TSN: variants seen among roughly 807,000 people sequenced by gnomAD.
TSN encodes the protein translin, also known as component 3 of promoter of RISC.
TSN carries 5 observed loss-of-function variants against 29.4 expected under a neutral mutation model. That is an observed-to-expected ratio of 0.17 (90% CI 0.09 to 0.36). The LOEUF is 0.36. TSN is among the 10% of genes least tolerant of loss of function. The pLI, the probability that TSN is intolerant of heterozygous loss-of-function variation, is 1.00. For missense variants in TSN, 159 were observed against 272.8 expected (o/e 0.58, Z 2.94); for synonymous variants, 106 against 102.2 (o/e 1.04, Z -0.23).
intron 1 of TSN, chr2:121,756,507 C>A: frequency 2.2e-6 from 1 of 460,710 alleles, no homozygotes; most frequent in Non-Finnish European, 3.7e-6. Flanking sequence ...AAAAAATCTT[C>A]TCCCTCATTG....
rs1371649285 is a variant in TSN, at chr2:121,765,548, T to C, written c.*181T>C. The C allele has an allele frequency of 1.1e-5, 7 of 612,168 alleles. No individual in the cohort carries two copies. Among genetic ancestry groups the C allele is most frequent in the Non-Finnish European group, 2.0e-5 (7 of 351,636 alleles). 37.9% of individuals were successfully genotyped at this position (612,168 alleles called of 1,614,324 possible). A position where few individuals can be genotyped will look rare whatever the true frequency, so the allele number is the denominator to read the frequency against. ...TTTTGGGGGTAAAAAATATAGCCTT[T>C]ACATGGACAGAATTTTTTTTGTTGT... On this transcript the variant is annotated 3_prime_UTR_variant, in exon 6 of 6. Coordinates refer to ENST00000389682, the MANE Select transcript of TSN (RefSeq NM_004622.3).
At chr2:121,756,361 A>T in intron 1 of TSN, 2 of 235,902 alleles carry the variant, frequency 8.5e-6, no homozygotes, top group East Asian at 1.5e-4. Flanking sequence ...TTTTCCTGGA[A>T]TTTGCTTCTT....
intron 4 of TSN, among the ~76,000 whole-genome samples, chr2:121,762,584 A>G (rs1167333387): frequency 1.3e-5 from 2 of 152,250 alleles, no homozygotes; most frequent in Admixed American, 1.3e-4. Flanking sequence ...AAAAATTGAA[A>G]GAATAGTACA....
intron 3 of TSN, 76 bp downstream of exon 3, chr2:121,758,882 C>T: frequency 2.1e-6 from 2 of 971,466 alleles, no homozygotes; most frequent in Non-Finnish European, 1.4e-6. Flanking sequence ...CAAATGATTG[C>T]TTACAACTAG....
intron 1 of TSN, chr2:121,756,335 C>T (rs532363246): frequency 1.6e-4 from 40 of 247,074 alleles, no homozygotes; most frequent in African/African-American, 8.9e-4. Context: ...CCCCAAATAG[C>T]TTCCTGCCTG....
chr2:121,764,183 A>C (rs1327545318), intron 5 of TSN, among the ~76,000 whole-genome samples: 1 of 152,150 alleles, frequency 6.6e-6, no homozygotes, highest in Non-Finnish European at 1.5e-5. Flanking sequence ...AAACCTGAGG[A>C]AGATGGTGAG....
chr2:121,765,415 AG>A lies in TSN; in HGVS notation c.*52del. ...TTGCTGACCTCAGCGGTTGCCAGGA[AG>A]GGGTGAGCACAGAGTGCCTCTTACG... On this transcript the variant is annotated 3_prime_UTR_variant, in exon 6 of 6. Coordinates refer to ENST00000389682, the MANE Select transcript of TSN (RefSeq NM_004622.3). The A allele has an allele frequency of 6.3e-7, 1 of 1,577,940 alleles. No individual in the cohort carries two copies. The highest frequency in any genetic ancestry group is 8.7e-7 in the Non-Finnish European group (1 of 1,148,530).
At chr2:121,760,248 A>T (rs1355334568) in intron 3 of TSN, among the ~76,000 whole-genome samples, 1 of 152,226 alleles carries the variant, frequency 6.6e-6, no homozygotes, top group African/African-American at 2.4e-5. Flanking sequence ...TCTAGGTTGC[A>T]TGCTCCTTAT....
Position 121,767,654 on chromosome 2 carries a change from G to C in TSN, c.*2287G>C, listed in dbSNP as rs1434633922. The stretch of plus-strand genomic sequence containing the variant: ...AGAAGAGAACCAGCCATATACACTT[G>C]GGGAGATTTGCCACATCTTAAACTT... On this transcript the variant is annotated 3_prime_UTR_variant, in exon 6 of 6. Transcript: ENST00000389682. 1.3e-5 allele frequency: 2 copies of C among 152,096 alleles called. No homozygotes were observed. The highest frequency in any genetic ancestry group is 1.3e-4 in the Admixed American group (2 of 15,270). The allele number at this position is 152,096 out of a possible 1,614,324, so 9.4% of individuals were successfully genotyped here.
At chr2:121,760,613 C>T (rs954205971) in intron 3 of TSN, among the ~76,000 whole-genome samples, 3 of 152,106 alleles carry the variant, frequency 2.0e-5, no homozygotes, top group Admixed American at 2.0e-4. Flanking sequence ...TTTTTTCAGG[C>T]TTCTAGCTCA....
intron 3 of TSN, among the ~76,000 whole-genome samples, chr2:121,761,095 C>G (rs1409653686): frequency 6.6e-6 from 1 of 152,050 alleles, no homozygotes; most frequent in Non-Finnish European, 1.5e-5. Context: ...GTCTTGAACT[C>G]CTTACCTCAG....
intron 4 of TSN, 133 bp from the exon 5 acceptor site, chr2:121,762,872 A>T: frequency 1.3e-6 from 1 of 772,518 alleles, no homozygotes; most frequent in Non-Finnish European, 2.0e-6. Flanking sequence ...CAAGGTTGTG[A>T]ATATATTAAA....
chr2:121,763,538 T>C (rs990004865), intron 5 of TSN, among the ~76,000 whole-genome samples: 10 of 152,216 alleles, frequency 6.6e-5, no homozygotes, highest in Non-Finnish European at 1.0e-4. Flanking sequence ...TGACTGGCAC[T>C]GTATGTGTTA....
intron 3 of TSN, among the ~76,000 whole-genome samples, chr2:121,759,729 A>C (rs2074796679): frequency 6.6e-6 from 1 of 152,208 alleles, no homozygotes; most frequent in Admixed American, 6.5e-5. Context: ...CTTACTGAAA[A>C]AGATGTTCTT....
At chr2:121,755,899 C>G (rs934318802) in intron 1 of TSN, 54 bp downstream of exon 1, 2 of 1,610,950 alleles carry the variant, frequency 1.2e-6, no homozygotes, top group Non-Finnish European at 1.7e-6. Flanking sequence ...AGTTGGGCCA[C>G]TTCGCCCGGC....
rs780745889 is a variant in TSN at position 121,761,406 on chromosome 2, C to T, written c.258-3C>T. 6.2e-7 allele frequency: 1 copy of T among 1,610,898 alleles called. No individual in the cohort carries two copies. The highest frequency in any genetic ancestry group is 1.1e-5 in the South Asian group (1 of 91,026). On this transcript the variant is annotated splice_region_variant and splice_polypyrimidine_tract_variant and intron_variant, in intron 3 of 5. Coordinates refer to ENST00000389682, the MANE Select transcript of TSN (RefSeq NM_004622.3). Reference sequence around the variant, plus strand: ...GAGGCTAAATGTGCTTATTTTCATGCAGATTTCATGAGCACTGGAGGTTTG... The same window carrying T: ...GAGGCTAAATGTGCTTATTTTCATGTAGATTTCATGAGCACTGGAGGTTTG...
rs1349623430 is a variant in TSN at position 121,761,331 on chromosome 2, G to A, written c.258-78G>A. 1.9e-5 allele frequency: 18 copies of A among 941,398 alleles called. No homozygotes were observed. In the Middle Eastern group the frequency reaches 8.5e-4, roughly 45 times the overall value. The allele number at this position is 941,398 out of a possible 1,614,324, so 58.3% of individuals were successfully genotyped here. A position where few individuals can be genotyped will look rare whatever the true frequency, so the allele number is the denominator to read the frequency against. On this transcript the variant is annotated intron_variant, in intron 3 of 5. Coordinates refer to ENST00000389682, the MANE Select transcript of TSN (RefSeq NM_004622.3). ...TGAAAAATGATCGCATTTCTAAACC[G>A]TTTGAACATGGCTGTATTAAACCCA... is the stretch of plus-strand genomic sequence containing the variant.
chr2:121,757,743 G>A lies in TSN; in HGVS notation c.160+410G>A, dbSNP rs186438446. The A allele has an allele frequency of 7.7e-4, 127 of 164,750 alleles. 1 individual carries two copies. Among genetic ancestry groups the A allele is most frequent in the African/African-American group, 2.5e-3 (105 of 41,416 alleles). 10.2% of individuals were successfully genotyped at this position (164,750 alleles called of 1,614,324 possible). On this transcript the variant is annotated intron_variant, in intron 2 of 5. Coordinates refer to ENST00000389682, the MANE Select transcript of TSN (RefSeq NM_004622.3). ...GCCATCTCAGCTCACTGCAACCTCCGCCTCCTGGGTTCAAGCAATTCTCCT... is the reference window on the plus strand; with the variant it reads ...GCCATCTCAGCTCACTGCAACCTCCACCTCCTGGGTTCAAGCAATTCTCCT...
At chr2:121,757,384 GT>G in intron 2 of TSN, 51 bp downstream of exon 2, 2 of 1,611,874 alleles carry the variant, frequency 1.2e-6, no homozygotes, top group South Asian at 1.1e-5. Flanking sequence ...TAGAGGGAGA[GT>G]TTCTATCCAG....
Sources: allele counts gnomAD v4.1 joint callset (sites outside exome capture counted in the v4.1 genomes callset), GRCh38; gene constraint gnomAD v4.1.1; transcripts MANE v1.5; gene names NCBI Gene and HGNC (gene_info 2026-07-23, HGNC 2026-07-21).